OSBPL10: variants seen among roughly 807,000 people sequenced by gnomAD.
OSBPL10 encodes the protein oxysterol-binding protein-related protein 10.
Under a neutral mutation model 81.7 loss-of-function variants are expected in OSBPL10, and 49 were observed. That is an observed-to-expected ratio of 0.60 (90% CI 0.48 to 0.76). The LOEUF is 0.76. Among genes scored for constraint, OSBPL10 ranks in the 30% least tolerant of loss-of-function variants. OSBPL10 has a pLI of 0.00. For missense variants in OSBPL10, 923 were observed against 987.8 expected, an observed-to-expected ratio of 0.93 and a Z score of 0.88; for synonymous variants, 419 against 383.6, an observed-to-expected ratio of 1.09 and a Z score of -1.08.
chr3:31,879,575 AAC>A, intron 2 of OSBPL10, 78 bp downstream of exon 2: 1 of 1,455,360 alleles, frequency 6.9e-7, no homozygotes, highest in Non-Finnish European at 9.3e-7. Flanking sequence ...AATTTAAAAA[AAC>A]AAAAAATCAA....
At chr3:31,830,904 A>G (rs1338212489) in intron 3 of OSBPL10, among the ~76,000 whole-genome samples, 2 of 152,132 alleles carry the variant, frequency 1.3e-5, no homozygotes, top group African/African-American at 4.8e-5. Flanking sequence ...CCAAATTACA[A>G]TCTAGTTTAT....
At chr3:32,015,880 A>G (rs1699309527) in intron 2 of OSBPL10, among the ~76,000 whole-genome samples, 1 of 152,228 alleles carries the variant, frequency 6.6e-6, no homozygotes, top group South Asian at 2.1e-4. Context: ...AGAAATGCAA[A>G]TCAAAACCAC....
chr3:32,050,250 G>T (rs568763876), intron 1 of OSBPL10, among the ~76,000 whole-genome samples: 5 of 152,302 alleles, frequency 3.3e-5, no homozygotes, highest in South Asian at 4.1e-4. Context: ...ACTGCTCTAG[G>T]CTCCTTCTGA....
intron 1 of OSBPL10, among the ~76,000 whole-genome samples, chr3:31,962,181 T>C (rs1698187325): frequency 6.6e-6 from 1 of 152,160 alleles, no homozygotes; most frequent in South Asian, 2.1e-4. Context: ...GGTCTTGAAC[T>C]CCTGACCTCA....
At position 31,831,288 on chromosome 3, in the gene OSBPL10, C is replaced by T. The variant is rs200931010; in HGVS notation, c.538-1057G>A. Among the ~76,000 whole-genome samples the T allele has an allele frequency of 3.9e-5, 6 of 152,062 alleles. No homozygotes were observed. In the East Asian group the frequency reaches 7.7e-4, roughly 20 times the overall value. ...AGGCATGGTGGCACATGCCTGTAAT[C>T]GCAGCTACTCAGGAGGCTGAGGCAG... On this transcript the variant is annotated intron_variant, in intron 3 of 11. Transcript: ENST00000396556.
intron 1 of OSBPL10, among the ~76,000 whole-genome samples, chr3:31,883,059 A>C (rs1325085949): frequency 6.6e-6 from 1 of 152,028 alleles, no homozygotes; most frequent in Non-Finnish European, 1.5e-5. Flanking sequence ...ACCTATATTT[A>C]ATGTCATTCT....
At chr3:31,861,758 G>A (rs1248803037) in intron 3 of OSBPL10, among the ~76,000 whole-genome samples, 1 of 152,112 alleles carries the variant, frequency 6.6e-6, no homozygotes, top group Non-Finnish European at 1.5e-5. Flanking sequence ...AGGAACTCAG[G>A]CCGGTCTTCC....
chr3:32,063,352 A>G (rs1275179291), intron 1 of OSBPL10, among the ~76,000 whole-genome samples: 1 of 92,238 alleles, frequency 1.1e-5, no homozygotes, highest in Non-Finnish European at 2.9e-5. Context: ...CACATGTTGA[A>G]GACTAGGAAG....
chr3:31,783,099 TCA>T, intron 4 of OSBPL10, among the ~76,000 whole-genome samples: 1 of 139,310 alleles, frequency 7.2e-6, no homozygotes, highest in South Asian at 2.2e-4. Context: ...TATATCTATA[TCA>T]ATATATCTAT....
At chr3:31,853,219 T>C (rs1012693054) in intron 3 of OSBPL10, among the ~76,000 whole-genome samples, 1 of 152,202 alleles carries the variant, frequency 6.6e-6, no homozygotes, top group African/African-American at 2.4e-5. Context: ...GTTCCTGACC[T>C]GGCCTAAAGA....
At chr3:31,761,827 A>AAAAAAAAAAACAAAAC (rs996116489) in intron 4 of OSBPL10, among the ~76,000 whole-genome samples, 1 of 149,434 alleles carries the variant, frequency 6.7e-6, no homozygotes, top group African/African-American at 2.6e-5. Context: ...AAAAAAAAAA[A>AAAAAAAAAAACAAAAC]AAAACCCTAA....
At chr3:32,016,481 G>A (rs1370368535) in intron 2 of OSBPL10, among the ~76,000 whole-genome samples, 1 of 152,084 alleles carries the variant, frequency 6.6e-6, no homozygotes, top group Non-Finnish European at 1.5e-5. Context: ...AGCGTTAGGA[G>A]ATATACCTAA....
intron 7 of OSBPL10, among the ~76,000 whole-genome samples, chr3:31,697,101 A>G (rs1288390619): frequency 1.3e-5 from 2 of 152,220 alleles, no homozygotes; most frequent in Non-Finnish European, 2.9e-5. Context: ...TAATCAATAA[A>G]ATAGAAGTGA....
At chr3:31,995,961 G>C (rs1699086979) in intron 2 of OSBPL10, among the ~76,000 whole-genome samples, 1 of 152,142 alleles carries the variant, frequency 6.6e-6, no homozygotes, top group Non-Finnish European at 1.5e-5. Context: ...GTGGAGGGCT[G>C]GAAATGGAGG....
chr3:31,831,219 C>G (rs1221178863), intron 3 of OSBPL10, among the ~76,000 whole-genome samples: 2 of 151,946 alleles, frequency 1.3e-5, no homozygotes, highest in Non-Finnish European at 2.9e-5. Flanking sequence ...CCAGCCTGAC[C>G]AACATGGAGA....
chr3:32,046,390 A>C (rs182742227), intron 2 of OSBPL10: 106 of 152,264 alleles, frequency 7.0e-4, no homozygotes, highest in African/African-American at 2.5e-3. Context: ...CCACCTTTAG[A>C]CTCCAAGTTC....
chr3:31,667,796 T>G (rs954136929), intron 10 of OSBPL10, among the ~76,000 whole-genome samples: 11 of 152,250 alleles, frequency 7.2e-5, no homozygotes, highest in Non-Finnish European at 4.4e-5. Flanking sequence ...TAAAACTTTA[T>G]TTACAAAATC....
At chr3:31,921,255 C>T (rs908620897) in intron 1 of OSBPL10, among the ~76,000 whole-genome samples, 1 of 152,040 alleles carries the variant, frequency 6.6e-6, no homozygotes, top group Non-Finnish European at 1.5e-5. Context: ...TTTATGTCAG[C>T]TAAGAGGACC....
intron 4 of OSBPL10, among the ~76,000 whole-genome samples, chr3:31,777,377 G>A (rs916751953): frequency 4.6e-5 from 7 of 151,882 alleles, no homozygotes; most frequent in South Asian, 4.1e-4. Flanking sequence ...TGAGTGACTC[G>A]CTATTGTCCC....
Sources: gnomAD v4.1 joint callset for allele counts (sites outside exome capture counted in the v4.1 genomes callset) on GRCh38, gnomAD v4.1.1 for gene constraint, MANE v1.5 for transcripts, NCBI Gene and HGNC (gene_info 2026-07-23, HGNC 2026-07-21) for gene names.